Variants in SETD2 observed in about 807,000 individuals in gnomAD.
The protein encoded by SETD2 is SET domain containing 2, histone lysine methyltransferase, also known as histone-lysine N-methyltransferase SETD2.
Under a neutral mutation model 242.1 loss-of-function variants are expected in SETD2, and 31 were observed. The ratio of observed to expected loss-of-function variants is 0.13; its 90% CI spans 0.10 to 0.17. The LOEUF is 0.17. Ranked by LOEUF, SETD2 falls within the 10% of genes least tolerant of loss-of-function variation. SETD2 has a pLI of 1.00. For missense variants in SETD2, 2,481 were observed against 3,046.3 expected (o/e 0.81, Z 4.37); for synonymous variants, 1,006 against 1,066.5 (o/e 0.94, Z 1.11).
At chr3:47,045,022 T>C (rs2039457712) in intron 16 of SETD2, among the ~76,000 whole-genome samples, 1 of 152,228 alleles carries the variant, frequency 6.6e-6, no homozygotes, top group Non-Finnish European at 1.5e-5. Flanking sequence ...GAAATACTTC[T>C]GGTCCCGTGA....
At chr3:47,136,337 T>C (rs1255238278) in intron 1 of SETD2, among the ~76,000 whole-genome samples, 2 of 152,160 alleles carry the variant, frequency 1.3e-5, no homozygotes, top group East Asian at 3.8e-4. Context: ...CCTCATACAT[T>C]CCAAGATAAT....
At chr3:47,043,218 T>C (rs1213884226) in intron 16 of SETD2, among the ~76,000 whole-genome samples, 1 of 152,034 alleles carries the variant, frequency 6.6e-6, no homozygotes, top group Non-Finnish European at 1.5e-5. Flanking sequence ...CCCCAAAACA[T>C]GTATGTTGAA....
chr3:47,069,700 C>T (rs1042115655), intron 12 of SETD2, among the ~76,000 whole-genome samples: 1 of 152,098 alleles, frequency 6.6e-6, no homozygotes, highest in East Asian at 1.9e-4. Flanking sequence ...GGTACATTCC[C>T]ATCTGCTACT....
At chr3:47,110,182 G>C (rs566444259) in intron 5 of SETD2, among the ~76,000 whole-genome samples, 1 of 152,240 alleles carries the variant, frequency 6.6e-6, no homozygotes, top group South Asian at 2.1e-4. Flanking sequence ...GCCACATATT[G>C]TATAATTTCA....
chr3:47,146,430 C>A (rs1000615633), intron 1 of SETD2, among the ~76,000 whole-genome samples: 2 of 152,100 alleles, frequency 1.3e-5, no homozygotes, highest in Non-Finnish European at 2.9e-5. Context: ...GAGTTCAAGA[C>A]CAGCCTGGCC....
Position 47,067,058 on chromosome 3 carries a change from C to A in SETD2, c.6109+12G>T. 1 of 1,597,378 alleles carries A rather than the reference C, an allele frequency of 6.3e-7. No individual in the cohort carries two copies. The highest frequency in any genetic ancestry group is 8.6e-7 in the Non-Finnish European group (1 of 1,165,324). On this transcript the variant is annotated intron_variant, in intron 13 of 20. Transcript: ENST00000409792. ...GTAAAGCCATCAACACAGAGTATCT[C>A]TGAATACCTACTTGTGTTTTCCTTT...
At position 47,056,799 on chromosome 3, in the gene SETD2, GAA is replaced by G. The variant is rs774526153; in HGVS notation, c.6963+20_6963+21del. The G allele has an allele frequency of 6.3e-6, 10 of 1,599,284 alleles. No homozygotes were observed. In the Admixed American group the frequency reaches 1.2e-4, roughly 19 times the overall value. On this transcript the variant is annotated intron_variant, in intron 15 of 20. Coordinates refer to ENST00000409792, the MANE Select transcript of SETD2 (RefSeq NM_014159.7). The stretch of plus-strand genomic sequence containing the variant: ...CATGAACAGACCATAAAGCAGAAAA[GAA>G]AAGTTTCAGAATTAGTTACCTGTAC...
At chr3:47,056,422 T>C (rs1006121929) in intron 15 of SETD2, among the ~76,000 whole-genome samples, 2 of 152,136 alleles carry the variant, frequency 1.3e-5, no homozygotes, top group African/African-American at 2.4e-5. Context: ...CTACCACGCC[T>C]GGCCTGACCA....
At chr3:47,035,603 G>A (rs918711059) in intron 18 of SETD2, among the ~76,000 whole-genome samples, 22 of 152,030 alleles carry the variant, frequency 1.4e-4, no homozygotes, top group Non-Finnish European at 2.9e-4. Flanking sequence ...TTCCTCATTC[G>A]CTTTGAAAGG....
upstream of SETD2, among the ~76,000 whole-genome samples, chr3:47,164,119 T>A (rs1272181578): frequency 1.3e-5 from 2 of 151,570 alleles, no homozygotes; most frequent in East Asian, 3.9e-4. This position sits in a 1 kb window ranked among gnomAD's most constrained non-coding sequence, Gnocchi z 5.4. Flanking sequence ...TCTCTCCCTC[T>A]CACCCTCACA....
intron 11 of SETD2, among the ~76,000 whole-genome samples, chr3:47,085,061 G>A (rs1042201791): frequency 6.6e-6 from 1 of 152,026 alleles, no homozygotes; most frequent in Admixed American, 6.6e-5. Context: ...TTCTGGATGG[G>A]ACTCAGATTA....
chr3:47,052,591 T>C (rs920238284), intron 15 of SETD2, among the ~76,000 whole-genome samples: 7 of 152,064 alleles, frequency 4.6e-5, no homozygotes, highest in Admixed American at 2.0e-4. Flanking sequence ...CCGAGGCAGG[T>C]GGATCACCTG....
rs941563785 is a variant in SETD2, at chr3:47,088,107, G to T, written c.5277+6C>A. 1.2e-6 allele frequency: 2 copies of T among 1,607,258 alleles called. No homozygotes were observed. The highest frequency in any genetic ancestry group is 2.7e-5 in the African/African-American group (2 of 74,546). On this transcript the variant is annotated splice_donor_region_variant and intron_variant, in intron 10 of 20. Transcript: ENST00000409792. ...AGAAATAAAAAACAAACATTAAAGT[G>T]TTCACCTGTATGAGTTCCAGACAGG...
chr3:47,124,424 T>C lies in SETD2; in HGVS notation c.212A>G (p.Gln71Arg), dbSNP rs1295276006. 6.4e-7 allele frequency: 1 copy of C among 1,551,916 alleles called. No individual in the cohort carries two copies. Among genetic ancestry groups the C allele is most frequent in the Non-Finnish European group, 8.7e-7 (1 of 1,147,086 alleles). Residue 71 changes from glutamine (Q) to arginine (R), a missense_variant, in exon 3 of 21, where the codon CAG (glutamine) becomes CGG (arginine). Transcript: ENST00000409792. ...TKVNLEEQGR[Q>R]KVSFSFSLTK... Reference sequence around the variant, plus strand: ...AAGGCTGAAGCTGAATGACACCTTCTGTCGTCCCTGTTCTTCCAAATTAAC... The same window carrying C: ...AAGGCTGAAGCTGAATGACACCTTCCGTCGTCCCTGTTCTTCCAAATTAAC...
At position 47,124,427 on chromosome 3, in the gene SETD2, C is replaced by T. The variant is rs2043244124; in HGVS notation, c.209G>A (p.Arg70Gln). The change falls in exon 3 of 21, where the codon CGA becomes CAA. Residue 70 changes from arginine (R) to glutamine (Q), a missense_variant. Coordinates refer to ENST00000409792, the MANE Select transcript of SETD2 (RefSeq NM_014159.7). ...KTKVNLEEQG[R>Q]QKVSFSFSLT... ...GCTGAAGCTGAATGACACCTTCTGTCGTCCCTGTTCTTCCAAATTAACTTT... is the reference window on the plus strand; with the variant it reads ...GCTGAAGCTGAATGACACCTTCTGTTGTCCCTGTTCTTCCAAATTAACTTT... 6.4e-7 allele frequency: 1 copy of T among 1,551,954 alleles called. No individual in the cohort carries two copies. The highest frequency in any genetic ancestry group is 8.7e-7 in the Non-Finnish European group (1 of 1,147,060).
chr3:47,117,266 A>AAAAACAAAAAAAAAAC (rs2042892801), intron 3 of SETD2, among the ~76,000 whole-genome samples: 1 of 139,494 alleles, frequency 7.2e-6, no homozygotes, highest in African/African-American at 3.1e-5. Flanking sequence ...ATTACCAAAA[A>AAAAACAAAAAAAAAAC]AAAAAAAAAA....
chr3:47,074,458 T>C (rs1208994332), intron 12 of SETD2, among the ~76,000 whole-genome samples: 1 of 152,200 alleles, frequency 6.6e-6, no homozygotes, highest in East Asian at 1.9e-4. Context: ...CCAAAGACTC[T>C]TGTGCATTAT....
At chr3:47,145,572 C>T in intron 1 of SETD2, 2 of 402,630 alleles carry the variant, frequency 5.0e-6, no homozygotes, top group South Asian at 1.8e-5. Flanking sequence ...GTTTTGACTG[C>T]AGCCCCTCAC....
intron 5 of SETD2, among the ~76,000 whole-genome samples, chr3:47,109,633 G>A (rs1426068780): frequency 6.6e-6 from 1 of 152,134 alleles, no homozygotes; most frequent in Non-Finnish European, 1.5e-5. Flanking sequence ...GGGCAACACA[G>A]TGAGACCCTG....
Sources: allele counts gnomAD v4.1 joint callset (sites outside exome capture counted in the v4.1 genomes callset), GRCh38; gene constraint gnomAD v4.1.1; non-coding constraint Gnocchi (gnomAD v3.1); transcripts MANE v1.5; gene names NCBI Gene and HGNC (gene_info 2026-07-23, HGNC 2026-07-21).